Variants in OSBPL9 observed in about 807,000 individuals in gnomAD.
OSBPL9 encodes oxysterol-binding protein-related protein 9.
Under a neutral mutation model 106.6 loss-of-function variants are expected in OSBPL9, and 40 were observed. The ratio of observed to expected loss-of-function variants is 0.38; its 90% confidence interval spans 0.29 to 0.49. The LOEUF (loss-of-function observed/expected upper bound fraction) is 0.49, where lower values mean the gene tolerates loss of function less well. Among genes scored for constraint, OSBPL9 ranks in the 20% least tolerant of loss-of-function variants. The probability of loss-of-function intolerance (pLI) is 0.97; values close to 1 mark genes in which losing one functional copy is unlikely to be tolerated. For missense variants in OSBPL9, 609 were observed against 887.2 expected (o/e 0.69, Z 3.98); for synonymous variants, 269 against 295.4 (o/e 0.91, Z 0.92).
the OSBPL9 span, among the ~76,000 whole-genome samples, chr1:51,522,759 T>C: frequency 6.6e-6 from 1 of 152,214 alleles, no homozygotes; most frequent in African/African-American, 2.4e-5. Context: ...CATGATTACA[T>C]TGAAGATAAT....
At chr1:51,671,201 A>G (rs1249576895) in intron 3 of OSBPL9, among the ~76,000 whole-genome samples, 1 of 152,190 alleles carries the variant, frequency 6.6e-6, no homozygotes, top group Non-Finnish European at 1.5e-5. Context: ...GGATTTTGCA[A>G]AGAACTTGGT....
intron 1 of OSBPL9, among the ~76,000 whole-genome samples, 166 bp downstream of exon 1, chr1:51,617,387 G>A (rs1644116359): frequency 6.6e-6 from 1 of 152,198 alleles, no homozygotes; most frequent in African/African-American, 2.4e-5. Flanking sequence ...GATAGCCAAT[G>A]AGGGTGAGGG....
At chr1:51,717,746 C>T (rs1413225790) in intron 4 of OSBPL9, among the ~76,000 whole-genome samples, 6 of 151,228 alleles carry the variant, frequency 4.0e-5, no homozygotes, top group Admixed American at 4.0e-4. Context: ...AGGGAACCCA[C>T]ATACACTATT....
At chr1:51,762,945 T>G (rs1236652197) in intron 11 of OSBPL9, among the ~76,000 whole-genome samples, 1 of 152,196 alleles carries the variant, frequency 6.6e-6, no homozygotes, top group Non-Finnish European at 1.5e-5. Flanking sequence ...TTTTTGCCAG[T>G]TTTATAGTTA....
the OSBPL9 span, among the ~76,000 whole-genome samples, chr1:51,554,221 A>G: frequency 6.6e-6 from 1 of 152,216 alleles, no homozygotes; most frequent in African/African-American, 2.4e-5. Context: ...GAGAAACTGC[A>G]GGGAAAAACA....
intron 11 of OSBPL9, among the ~76,000 whole-genome samples, chr1:51,764,387 A>G (rs1221417898): frequency 6.6e-6 from 1 of 152,108 alleles, no homozygotes; most frequent in Non-Finnish European, 1.5e-5. Context: ...ATATGAAGTT[A>G]TTTACTAATA....
intron 5 of OSBPL9, among the ~76,000 whole-genome samples, chr1:51,746,141 G>A (rs537779391): frequency 3.9e-5 from 6 of 152,150 alleles, no homozygotes; most frequent in Admixed American, 6.5e-5. Flanking sequence ...ACGGGGTTTC[G>A]CCATATTGGC....
chr1:51,639,816 G>GTTTTTTT lies in OSBPL9; in HGVS notation c.112-12155_112-12149dup, dbSNP rs758174157. Among the ~76,000 whole-genome samples the GTTTTTTT allele has an allele frequency of 1.5e-4, 10 of 67,048 alleles. 1 individual carries two copies. The highest frequency in any genetic ancestry group is 2.6e-4 in the African/African-American group (4 of 15,536). 44.0% of individuals were successfully genotyped at this position (67,048 alleles called of 152,430 possible). On this transcript the variant is annotated intron_variant, in intron 1 of 23. Coordinates refer to ENST00000428468, the MANE Select transcript of OSBPL9 (RefSeq NM_024586.6). ...CAGATTCGGGGAGGCATTCCTAGTTGTTTTTTTTTTTTTTTTTTTTTTTTT... is the reference window on the plus strand; with the variant it reads ...CAGATTCGGGGAGGCATTCCTAGTTGTTTTTTTTTTTTTTTTTTTTTTTTTTTTTTTT...
intron 1 of OSBPL9, among the ~76,000 whole-genome samples, chr1:51,592,090 G>A (rs1645278604): frequency 7.0e-6 from 1 of 143,576 alleles, no homozygotes; most frequent in Admixed American, 7.0e-5. Context: ...TGACCTCAAC[G>A]ATTACTTGTT....
intron 3 of OSBPL9, among the ~76,000 whole-genome samples, chr1:51,697,463 T>TC (rs1656295090): frequency 6.7e-6 from 1 of 150,022 alleles, no homozygotes; most frequent in African/African-American, 2.5e-5. Context: ...CTTTTTTTTT[T>TC]TTTTTTTTTT....
chr1:51,749,616 G>C, intron 7 of OSBPL9: 1 of 240,206 alleles, frequency 4.2e-6, no homozygotes, highest in Non-Finnish European at 9.2e-6. Context: ...CAGCCTATCA[G>C]TGTCTTAGGT....
chr1:51,622,807 A>G (rs1399204755), intron 1 of OSBPL9, among the ~76,000 whole-genome samples: 3 of 152,212 alleles, frequency 2.0e-5, no homozygotes, highest in Admixed American at 2.0e-4. Context: ...TATTCTGTTC[A>G]TTAGAGACAA....
At position 51,788,570 on chromosome 1, in the gene OSBPL9, T is replaced by TGGAG. The variant is rs1357509820; in HGVS notation, c.*783_*786dup. On this transcript the variant is annotated 3_prime_UTR_variant, in exon 24 of 24. Coordinates refer to ENST00000428468, the MANE Select transcript of OSBPL9 (RefSeq NM_024586.6). ...TTTCAAAGAAAGACACTTGAAATAA[T>TGGAG]GGAGGATCCATTCTTTTCCTCTGTC... 6.6e-6 allele frequency: 1 copy of TGGAG among 152,410 alleles called. No homozygotes were observed. The highest frequency in any genetic ancestry group is 1.9e-4 in the East Asian group (1 of 5,196). The allele number at this position is 152,410 out of a possible 1,614,324, so 9.4% of individuals were successfully genotyped here.
At chr1:51,663,293 CAA>C (rs1206940557) in intron 2 of OSBPL9, among the ~76,000 whole-genome samples, 2 of 75,128 alleles carry the variant, frequency 2.7e-5, no homozygotes, top group African/African-American at 8.8e-5. Context: ...ATTATGCTGG[CAA>C]GTGTGTGTGT....
intron 1 of OSBPL9, among the ~76,000 whole-genome samples, chr1:51,629,762 A>C (rs1482528496): frequency 6.6e-6 from 1 of 152,102 alleles, no homozygotes; most frequent in East Asian, 1.9e-4. Context: ...CAGCCTGGCC[A>C]ACGTGGTGAA....
chr1:51,702,021 C>T (rs1657392609), intron 3 of OSBPL9, among the ~76,000 whole-genome samples: 1 of 152,138 alleles, frequency 6.6e-6, no homozygotes, highest in Non-Finnish European at 1.5e-5. Context: ...TGTATATGTG[C>T]CACATTTTCT....
intron 3 of OSBPL9, among the ~76,000 whole-genome samples, chr1:51,712,108 T>G (rs1390489069): frequency 6.6e-6 from 1 of 152,066 alleles, no homozygotes; most frequent in Non-Finnish European, 1.5e-5. Flanking sequence ...GCCACTGCAC[T>G]CCAGCCTGGG....
At chr1:51,584,353 A>G (rs1481077650) in intron 1 of OSBPL9, among the ~76,000 whole-genome samples, 1 of 152,186 alleles carries the variant, frequency 6.6e-6, no homozygotes, top group East Asian at 1.9e-4. Flanking sequence ...TGACTTTAGG[A>G]AAACCATCTT....
chr1:51,781,439 C>T, intron 16 of OSBPL9, 104 bp downstream of exon 16: 1 of 1,157,448 alleles, frequency 8.6e-7, no homozygotes, highest in Non-Finnish European at 1.2e-6. Context: ...AAAAGATGGT[C>T]ACCACCCATA....
Sources: allele counts gnomAD v4.1 joint callset (sites outside exome capture counted in the v4.1 genomes callset), GRCh38; gene constraint gnomAD v4.1.1; transcripts MANE v1.5; gene names NCBI Gene and HGNC (gene_info 2026-07-23, HGNC 2026-07-21).